The following CAMTA1 variants were observed in gnomAD, a reference collection of about 807,000 sequenced individuals.
The protein encoded by CAMTA1 is calmodulin binding transcription activator 1, also known as calmodulin-binding transcription activator 1.
CAMTA1 carries 27 observed loss-of-function variants against 170.9 expected under a neutral mutation model. The ratio of observed to expected loss-of-function variants is 0.16; its 90% CI spans 0.12 to 0.22. CAMTA1 has a LOEUF of 0.22. Ranked by LOEUF, CAMTA1 falls within the 10% of genes least tolerant of loss-of-function variation. The probability of loss-of-function intolerance (pLI) is 1.00; values close to 1 mark genes in which losing one functional copy is unlikely to be tolerated. For missense variants in CAMTA1, 1,619 were observed against 2,217.2 expected (o/e 0.73, Z 5.42); for synonymous variants, 833 against 891.5 (o/e 0.93, Z 1.17).
At chr1:7,315,231 G>T (rs982621446) in intron 5 of CAMTA1, among the ~76,000 whole-genome samples, 1 of 152,206 alleles carries the variant, frequency 6.6e-6, no homozygotes, top group African/African-American at 2.4e-5. Flanking sequence ...TGGAGAGAGG[G>T]TTGTTCGGGG....
At chr1:7,437,065 G>A (rs2092371405) in intron 5 of CAMTA1, among the ~76,000 whole-genome samples, 1 of 152,096 alleles carries the variant, frequency 6.6e-6, no homozygotes, top group South Asian at 2.1e-4. Context: ...GGAGCAGAAA[G>A]GGGAAACTGA....
At chr1:7,600,903 C>T (rs190525393) in intron 6 of CAMTA1, among the ~76,000 whole-genome samples, 1 of 151,340 alleles carries the variant, frequency 6.6e-6, no homozygotes, top group East Asian at 1.9e-4. Context: ...GACATGGCAA[C>T]CATTAGATTT....
At chr1:7,034,453 G>A (rs971080311) in intron 3 of CAMTA1, among the ~76,000 whole-genome samples, 29 of 152,144 alleles carry the variant, frequency 1.9e-4, no homozygotes, top group African/African-American at 6.3e-4. Flanking sequence ...GTGCCCAGCC[G>A]ATTGTTGTTT....
intron 3 of CAMTA1, among the ~76,000 whole-genome samples, chr1:7,031,082 C>T (rs751986810): frequency 3.4e-5 from 5 of 148,326 alleles, no homozygotes; most frequent in Non-Finnish European, 5.9e-5. Context: ...CTCCTGACCT[C>T]GTGATCCACC....
At chr1:6,802,033 T>C (rs532138874) in intron 1 of CAMTA1, among the ~76,000 whole-genome samples, 10 of 152,336 alleles carry the variant, frequency 6.6e-5, no homozygotes, top group Admixed American at 3.3e-4. Context: ...AGAGCACTTT[T>C]GATTGCAAGT....
intron 4 of CAMTA1, among the ~76,000 whole-genome samples, chr1:7,137,610 T>C (rs1212876825): frequency 6.6e-6 from 1 of 152,196 alleles, no homozygotes; most frequent in African/African-American, 2.4e-5. Context: ...CACAAGCATC[T>C]CCTGCTGGCC....
At position 7,333,012 on chromosome 1, in the gene CAMTA1, T is replaced by A. The variant is rs1362981673; in HGVS notation, c.438+83386T>A. ...AGTTGGTGGAAGAAGTTGGCTTCCATGAGAGGGGGCAAGTGTGAAGCCCTT... is the reference window on the plus strand; with the variant it reads ...AGTTGGTGGAAGAAGTTGGCTTCCAAGAGAGGGGGCAAGTGTGAAGCCCTT... On this transcript the variant is annotated intron_variant, in intron 5 of 22. Coordinates refer to ENST00000303635, the MANE Select transcript of CAMTA1 (RefSeq NM_015215.4). This position sits in a 1 kb window ranked among gnomAD's most constrained non-coding sequence, Gnocchi z 4.4. Among the ~76,000 whole-genome samples the A allele has an allele frequency of 6.6e-6, 1 of 152,178 alleles. No individual in the cohort carries two copies. Among genetic ancestry groups the A allele is most frequent in the African/African-American group, 2.4e-5 (1 of 41,456 alleles).
chr1:7,620,853 G>A (rs748948903), intron 6 of CAMTA1, among the ~76,000 whole-genome samples: 32 of 152,324 alleles, frequency 2.1e-4, no homozygotes, highest in Middle Eastern at 3.4e-3. Flanking sequence ...GGGTCAGCCA[G>A]ATTCAAAGGT....
At chr1:7,165,711 C>T (rs1197029422) in intron 4 of CAMTA1, among the ~76,000 whole-genome samples, 5 of 152,176 alleles carry the variant, frequency 3.3e-5, no homozygotes, top group Non-Finnish European at 5.9e-5. Context: ...GGATTACAGG[C>T]GTGAGCCACC....
Position 6,893,502 on chromosome 1 carries a change from C to G in CAMTA1, c.234+68292C>G, listed in dbSNP as rs114478627. On this transcript the variant is annotated intron_variant, in intron 3 of 22. Transcript: ENST00000303635. ...GAAGTTAGGAAACAGATGAGACAGT[C>G]TGGCTGGAATAAGAGGGTGGGTAAC... 2.7e-3 allele frequency among the ~76,000 whole-genome samples: 405 copies of G among 152,332 alleles called. 1 individual carries two copies. The highest frequency in any genetic ancestry group is 9.1e-3 in the African/African-American group (379 of 41,566).
At chr1:7,427,284 C>T (rs1056112588) in intron 5 of CAMTA1, among the ~76,000 whole-genome samples, 13 of 152,208 alleles carry the variant, frequency 8.5e-5, no homozygotes, top group Admixed American at 6.5e-5. Flanking sequence ...AATTCCAGCA[C>T]ATTTAGTCAC....
At position 7,050,246 on chromosome 1, in the gene CAMTA1, G is replaced by A. The variant is rs1437541929; in HGVS notation, c.235-41058G>A. Among the ~76,000 whole-genome samples the A allele has an allele frequency of 1.3e-5, 2 of 152,174 alleles. No homozygotes were observed. The highest frequency in any genetic ancestry group is 2.9e-5 in the Non-Finnish European group (2 of 68,024). ...GGTCCTCCATGGTGGTGAAGGGCTGGGGGTAGGACCACAGCCTCCTTGTCT... is the reference window on the plus strand; with the variant it reads ...GGTCCTCCATGGTGGTGAAGGGCTGAGGGTAGGACCACAGCCTCCTTGTCT... On this transcript the variant is annotated intron_variant, in intron 3 of 22. Transcript: ENST00000303635. The surrounding 1 kb of genome is among the most constrained non-coding windows in gnomAD (Gnocchi z 4.8).
At chr1:6,995,600 C>T (rs1697136384) in intron 3 of CAMTA1, among the ~76,000 whole-genome samples, 5 of 152,150 alleles carry the variant, frequency 3.3e-5, no homozygotes, top group African/African-American at 9.7e-5. Context: ...CCGCACCTGG[C>T]CTAAAATCTT....
At chr1:7,377,139 G>A (rs2086900033) in intron 5 of CAMTA1, among the ~76,000 whole-genome samples, 1 of 152,144 alleles carries the variant, frequency 6.6e-6, no homozygotes, top group Admixed American at 6.6e-5. Context: ...GGGCTGAGGG[G>A]CCCCCTTCAC....
chr1:6,986,736 G>A (rs992734500), intron 3 of CAMTA1, among the ~76,000 whole-genome samples: 2 of 152,118 alleles, frequency 1.3e-5, no homozygotes, highest in African/African-American at 4.8e-5. Flanking sequence ...CCTGGTGGTT[G>A]TCTGTACCTG....
intron 4 of CAMTA1, among the ~76,000 whole-genome samples, chr1:7,204,830 C>G (rs796383660): frequency 1.2e-5 from 1 of 86,824 alleles, no homozygotes; most frequent in Non-Finnish European, 2.2e-5. Context: ...TTCTTTTTTT[C>G]TTTTTTTTTT....
chr1:6,865,635 A>C (rs1666338729), intron 3 of CAMTA1, among the ~76,000 whole-genome samples: 1 of 152,224 alleles, frequency 6.6e-6, no homozygotes, highest in South Asian at 2.1e-4. Context: ...CATAGTAATC[A>C]CAGAACTAAT....
chr1:7,764,008 T>C (rs2096997327), intron 22 of CAMTA1, among the ~76,000 whole-genome samples: 1 of 152,218 alleles, frequency 6.6e-6, no homozygotes, highest in Non-Finnish European at 1.5e-5. Context: ...AGAAGCGAAG[T>C]TGGCATCAGT....
chr1:7,059,629 C>CA (rs959992046), intron 3 of CAMTA1, among the ~76,000 whole-genome samples: 3 of 151,800 alleles, frequency 2.0e-5, no homozygotes, highest in South Asian at 2.1e-4. Flanking sequence ...CAAAACAAAA[C>CA]AAAAAAAATG....
Sources: gnomAD v4.1 joint callset for allele counts (sites outside exome capture counted in the v4.1 genomes callset) on GRCh38, gnomAD v4.1.1 for gene constraint, Gnocchi (gnomAD v3.1) non-coding constraint, MANE v1.5 for transcripts, NCBI Gene and HGNC (gene_info 2026-07-23, HGNC 2026-07-21) for gene names.